ZZEF1: variants seen among roughly 807,000 people sequenced by gnomAD.
The protein encoded by ZZEF1 is zinc finger ZZ-type and EF-hand domain-containing protein 1.
Under a neutral mutation model 342.8 loss-of-function variants are expected in ZZEF1, and 157 were observed. The ratio of observed to expected loss-of-function variants is 0.46; its 90% CI spans 0.40 to 0.52. ZZEF1 has a LOEUF of 0.52. ZZEF1 is among the 20% of genes least tolerant of loss of function. ZZEF1 has a pLI of 0.00. For synonymous variants in ZZEF1, 1,505 were observed against 1,429.1 expected, an observed-to-expected ratio of 1.05 and a Z score of -1.20; for missense variants, 3,480 against 3,725.6, an observed-to-expected ratio of 0.93 and a Z score of 1.72.
chr17:4,102,912 C>T (rs1382692171), intron 8 of ZZEF1, among the ~76,000 whole-genome samples: 3 of 151,820 alleles, frequency 2.0e-5, no homozygotes, highest in East Asian at 3.8e-4. Flanking sequence ...TTTATATATA[C>T]ATATAAATCA....
chr17:4,047,250 A>G (rs1310751125), intron 37 of ZZEF1, among the ~76,000 whole-genome samples: 2 of 152,230 alleles, frequency 1.3e-5, no homozygotes, highest in Non-Finnish European at 2.9e-5. Context: ...TCTATCAAAA[A>G]TTAAGGAACT....
chr17:4,075,377 G>A lies in ZZEF1; in HGVS notation c.3287C>T (p.Thr1096Met), dbSNP rs767109499. 4.3e-6 allele frequency: 7 copies of A among 1,614,116 alleles called. No individual in the cohort carries two copies. The highest frequency in any genetic ancestry group is 1.1e-5 in the South Asian group (1 of 91,080). The change falls in exon 22 of 55, where the codon ACG becomes ATG. Residue 1096 changes from threonine (T) to methionine (M), a missense_variant. Around this residue, in one of 5 missense-constraint regions of ZZEF1, gnomAD observed 1,528 missense variants for 1,624.1 expected, o/e 0.94. Transcript: ENST00000381638. Reference protein sequence around the residue: ...QEQPVVLHTWTKESAHNYENN... With the variant: ...QEQPVVLHTWMKESAHNYENN... ...TTCATAGTTGTGGGCAGATTCCTTCGTCCACGTATGTAACACCACAGGCTG... is the reference window on the plus strand; with the variant it reads ...TTCATAGTTGTGGGCAGATTCCTTCATCCACGTATGTAACACCACAGGCTG...
At chr17:4,122,095 A>AG (rs369778792) in intron 2 of ZZEF1, among the ~76,000 whole-genome samples, 23,504 of 152,094 alleles carry the variant, frequency 0.15, 1,998 homozygotes, top group African/African-American at 0.22. Flanking sequence ...AGTAAGCTAG[A>AG]GGGTCAAGAG....
At chr17:4,042,750 C>T (rs1391628544) in intron 38 of ZZEF1, among the ~76,000 whole-genome samples, 182 bp from the exon 39 acceptor site, 2 of 152,204 alleles carry the variant, frequency 1.3e-5, no homozygotes, top group African/African-American at 2.4e-5. Context: ...GGCACAATCT[C>T]GGCTCACTGC....
At chr17:4,097,753 A>C (rs1279390902) in intron 9 of ZZEF1, among the ~76,000 whole-genome samples, 1 of 152,010 alleles carries the variant, frequency 6.6e-6, no homozygotes, top group Non-Finnish European at 1.5e-5. Context: ...AATTCTCCTT[A>C]GAACTGTTTG....
intron 43 of ZZEF1, among the ~76,000 whole-genome samples, chr17:4,023,184 C>T (rs1007606256): frequency 1.3e-5 from 2 of 152,162 alleles, no homozygotes; most frequent in Non-Finnish European, 2.9e-5. Flanking sequence ...CTACTCACTC[C>T]GCGTGTAATG....
intron 11 of ZZEF1, among the ~76,000 whole-genome samples, chr17:4,091,810 C>T (rs1048792442): frequency 6.6e-6 from 1 of 151,068 alleles, no homozygotes; most frequent in African/African-American, 2.4e-5. Flanking sequence ...GGCACGGTGG[C>T]TCACACCTGT....
rs1028890945 is a variant in ZZEF1, at chr17:4,083,649, T to C, written c.2647-1145A>G. On this transcript the variant is annotated intron_variant, in intron 16 of 54. Coordinates refer to ENST00000381638, the MANE Select transcript of ZZEF1 (RefSeq NM_015113.4). ...TATGCTTTTGTTCCTTTTTTTTTTTTTTTTTTGAGACGGAATCTCGCTCTG... is the reference window on the plus strand; with the variant it reads ...TATGCTTTTGTTCCTTTTTTTTTTTCTTTTTTGAGACGGAATCTCGCTCTG... Among the ~76,000 whole-genome samples the C allele has an allele frequency of 3.3e-5, 5 of 151,070 alleles. No homozygotes were observed. In the East Asian group the frequency reaches 7.8e-4, roughly 23 times the overall value.
At chr17:4,031,530 C>T (rs933557224) in intron 42 of ZZEF1, among the ~76,000 whole-genome samples, 3 of 151,946 alleles carry the variant, frequency 2.0e-5, no homozygotes, top group Non-Finnish European at 2.9e-5. Flanking sequence ...GATGTTCATA[C>T]GCAAAAGAAA....
At chr17:4,140,982 C>T (rs1459301881) in intron 1 of ZZEF1, among the ~76,000 whole-genome samples, 2 of 150,810 alleles carry the variant, frequency 1.3e-5, no homozygotes, top group East Asian at 3.9e-4. Flanking sequence ...GATCTCAGCT[C>T]ACTGCAACCT....
intron 2 of ZZEF1, among the ~76,000 whole-genome samples, chr17:4,123,137 A>G (rs1245015337): frequency 2.0e-5 from 3 of 150,388 alleles, no homozygotes; most frequent in Non-Finnish European, 4.5e-5. Context: ...AGCCAGAATG[A>G]TCTCGATCTC....
At chr17:4,125,389 T>C (rs2058557835) in intron 1 of ZZEF1, among the ~76,000 whole-genome samples, 1 of 152,260 alleles carries the variant, frequency 6.6e-6, no homozygotes, top group African/African-American at 2.4e-5. Context: ...CTAACATAAA[T>C]ACCCCTATTT....
chr17:4,089,460 G>A (rs902230970), intron 12 of ZZEF1, among the ~76,000 whole-genome samples: 2 of 152,226 alleles, frequency 1.3e-5, no homozygotes, highest in East Asian at 3.8e-4. Context: ...GTGCCCTTAA[G>A]AGAGTTCCTA....
intron 1 of ZZEF1, among the ~76,000 whole-genome samples, chr17:4,138,121 G>A (rs191687091): frequency 2.0e-5 from 3 of 152,226 alleles, no homozygotes; most frequent in Non-Finnish European, 4.4e-5. Context: ...GGCTTCAACC[G>A]ATTCAGACAA....
chr17:4,056,856 C>T (rs2057172051), intron 32 of ZZEF1: 1 of 152,128 alleles, frequency 6.6e-6, no homozygotes, highest in Admixed American at 6.5e-5. Flanking sequence ...CAGGTGCATT[C>T]AGGGTGGTAT....
At chr17:4,056,126 G>T in intron 33 of ZZEF1, 90 bp downstream of exon 33, 1 of 1,361,360 alleles carries the variant, frequency 7.3e-7, no homozygotes, top group Non-Finnish European at 9.6e-7. Context: ...AGCCCTCTCA[G>T]GTAAGAGCCT....
intron 1 of ZZEF1, among the ~76,000 whole-genome samples, chr17:4,125,004 A>G (rs538347781): frequency 1.3e-5 from 2 of 152,298 alleles, no homozygotes; most frequent in East Asian, 3.9e-4. Flanking sequence ...GAATATTGTC[A>G]ACCTCACAGG....
intron 42 of ZZEF1, among the ~76,000 whole-genome samples, chr17:4,029,391 T>C (rs1160920054): frequency 6.9e-6 from 1 of 144,102 alleles, no homozygotes; most frequent in African/African-American, 2.7e-5. Flanking sequence ...AAAAAAAAAA[T>C]CACAAGATAA....
In ZZEF1 at chr17:4,114,329, G is replaced by C. The variant is rs1288194477; in HGVS notation, c.836C>G (p.Ser279Ter). The C allele has an allele frequency of 1.2e-6, 2 of 1,607,574 alleles. No individual in the cohort carries two copies. Among genetic ancestry groups the C allele is most frequent in the Admixed American group, 1.7e-5 (1 of 58,672 alleles). Residue 279 changes from serine (S) to a stop codon, truncating the protein, a stop_gained, in exon 4 of 55, where the codon TCA (serine) becomes TGA (stop). Coordinates refer to ENST00000381638, the MANE Select transcript of ZZEF1 (RefSeq NM_015113.4). LOFTEE classifies it high-confidence loss of function. ...CCAGTGTGAACAGGCACTGCCATCTGACTGCCAGTAGGATGAGGTTTCTCC... is the reference window on the plus strand; with the variant it reads ...CCAGTGTGAACAGGCACTGCCATCTCACTGCCAGTAGGATGAGGTTTCTCC... ...TNGETSSYWQ[S>*]DGSACSHWIR...
Sources: allele counts gnomAD v4.1 joint callset (sites outside exome capture counted in the v4.1 genomes callset), GRCh38; gene constraint gnomAD v4.1.1; regional missense constraint gnomAD v4.1.1; transcripts MANE v1.5; gene names NCBI Gene and HGNC (gene_info 2026-07-23, HGNC 2026-07-21).